Variants in SPAG17 observed in about 807,000 individuals in gnomAD.
SPAG17 encodes the protein sperm associated antigen 17, also known as sperm-associated antigen 17.
SPAG17 carries 169 observed loss-of-function variants against 273.6 expected under a neutral mutation model. The observed-to-expected ratio is 0.62, with a 90% CI of 0.55 to 0.70. SPAG17 has a LOEUF of 0.70. Ranked by LOEUF, SPAG17 falls within the 30% of genes least tolerant of loss-of-function variation. The pLI, the probability that SPAG17 is intolerant of heterozygous loss-of-function variation, is 0.00. For synonymous variants in SPAG17, 825 were observed against 873.2 expected, an observed-to-expected ratio of 0.94 and a Z score of 0.97; for missense variants, 2,557 against 2,627.8, an observed-to-expected ratio of 0.97 and a Z score of 0.59.
Position 117,953,982 on chromosome 1 carries a change from T to G in SPAG17, c.*68A>C. The G allele has an allele frequency of 6.3e-7, 1 of 1,591,008 alleles. No homozygotes were observed. Reference sequence around the variant, plus strand: ...GGATGATGGAGTATGTTGTGATGACTTCTTTCCTTTCTCATCCTCTGTAGG... The same window carrying G: ...GGATGATGGAGTATGTTGTGATGACGTCTTTCCTTTCTCATCCTCTGTAGG... On this transcript the variant is annotated 3_prime_UTR_variant, in exon 49 of 49. Transcript: ENST00000336338.
chr1:118,086,073 C>T lies in SPAG17; in HGVS notation c.1612-1G>A. On this transcript the variant is annotated splice_acceptor_variant, in intron 12 of 48. Transcript: ENST00000336338. LOFTEE classifies it high-confidence loss of function. ...GAACTGGATCAAAATTCTTTTGGTC[C>T]TGATGAAAAAGAGCAACATGACAGA... 6.2e-7 allele frequency: 1 copy of T among 1,612,616 alleles called. No homozygotes were observed. The highest frequency in any genetic ancestry group is 8.5e-7 in the Non-Finnish European group (1 of 1,179,600).
At chr1:117,981,156 C>G (rs1277357077) in intron 43 of SPAG17, 114 bp downstream of exon 43, 2 of 1,139,014 alleles carry the variant, frequency 1.8e-6, no homozygotes, top group Non-Finnish European at 2.4e-6. Context: ...GATCCGTGAC[C>G]CTCTCGATTT....
Position 117,963,814 on chromosome 1 carries a change from T to A in SPAG17, c.6657A>T (p.Lys2219Asn). Residue 2219 changes from lysine to asparagine, a missense_variant, in exon 48 of 49, where the codon AAA becomes AAT. Lys to Asn is a moderately conservative substitution (Grantham distance 94). Coordinates refer to ENST00000336338, the MANE Select transcript of SPAG17 (RefSeq NM_206996.4). ...CTTACTGTACCTAATGTGGAGAAAC[T>A]TTACGAGACATGAAGACTCCAAGTG... ...SSTLGVFMSR[K>N]VSPH 6.2e-7 allele frequency: 1 copy of A among 1,612,848 alleles called. No individual in the cohort carries two copies. The highest frequency in any genetic ancestry group is 8.5e-7 in the Non-Finnish European group (1 of 1,179,382).
intron 18 of SPAG17, among the ~76,000 whole-genome samples, chr1:118,057,744 T>C (rs908864240): frequency 1.3e-5 from 2 of 152,062 alleles, no homozygotes; most frequent in South Asian, 2.1e-4. Context: ...TTATTTGTGA[T>C]TAAAAACTAT....
chr1:118,074,251 C>T (rs988285019), intron 16 of SPAG17, among the ~76,000 whole-genome samples: 1 of 151,988 alleles, frequency 6.6e-6, no homozygotes, highest in Non-Finnish European at 1.5e-5. Flanking sequence ...TTCAAGACAA[C>T]GTTAGCTCTA....
intron 3 of SPAG17, among the ~76,000 whole-genome samples, chr1:118,140,731 G>T (rs1019112087): frequency 6.6e-6 from 1 of 152,072 alleles, no homozygotes; most frequent in Non-Finnish European, 1.5e-5. Context: ...ATGTTTGCCT[G>T]CCTTCATCCT....
chr1:118,045,195 A>T (rs1346404223), intron 20 of SPAG17, among the ~76,000 whole-genome samples: 1 of 152,202 alleles, frequency 6.6e-6, no homozygotes, highest in African/African-American at 2.4e-5. Context: ...CATAAGTGAT[A>T]GGAGCATCTT....
At chr1:117,957,619 T>C (rs895993495) in intron 48 of SPAG17, among the ~76,000 whole-genome samples, 2 of 152,152 alleles carry the variant, frequency 1.3e-5, no homozygotes, top group African/African-American at 4.8e-5. Context: ...GCAGGCCACA[T>C]GTGGCCCAGT....
intron 48 of SPAG17, chr1:117,959,437 C>T (rs372899746): frequency 2.5e-5 from 40 of 1,606,706 alleles, no homozygotes; most frequent in Admixed American, 6.8e-5. Context: ...TTGATTCTAA[C>T]GTTGACTTAG....
intron 1 of SPAG17, among the ~76,000 whole-genome samples, chr1:118,173,541 T>C (rs1040157650): frequency 3.3e-5 from 5 of 152,066 alleles, no homozygotes; most frequent in African/African-American, 1.2e-4. Context: ...GGCACACTCA[T>C]GGATGCCTGA....
chr1:118,061,338 T>C (rs1474788446), intron 18 of SPAG17, among the ~76,000 whole-genome samples: 3 of 152,232 alleles, frequency 2.0e-5, no homozygotes, highest in African/African-American at 4.8e-5. Context: ...ATGTGGTATA[T>C]ATGATAGAAT....
At position 117,994,406 on chromosome 1, in the gene SPAG17, C is replaced by T; in HGVS notation, c.5178G>A (p.Glu1726=). ...TGACTTTTTAGAAGAAATTATATAC[C>T]TCAACTGAGGGAAATGTTTCCCATG... ...SRSWETFPSV[E]KKTPGPPFGT... Residue 1726 remains glutamate (E), a splice_region_variant and synonymous_variant, in exon 35 of 49, where the codon GAG becomes GAA. Coordinates refer to ENST00000336338, the MANE Select transcript of SPAG17 (RefSeq NM_206996.4). The T allele has an allele frequency of 1.2e-6, 2 of 1,611,096 alleles. No homozygotes were observed. Among genetic ancestry groups the T allele is most frequent in the Non-Finnish European group, 1.7e-6 (2 of 1,178,418 alleles).
At chr1:118,098,269 T>C (rs938221190) in intron 6 of SPAG17, among the ~76,000 whole-genome samples, 11 of 152,182 alleles carry the variant, frequency 7.2e-5, no homozygotes, top group Non-Finnish European at 1.3e-4. Flanking sequence ...CTCCTTCTTA[T>C]ATTGCTGAAA....
chr1:118,138,757 G>A (rs1658499823), intron 3 of SPAG17, among the ~76,000 whole-genome samples: 1 of 151,974 alleles, frequency 6.6e-6, no homozygotes, highest in African/African-American at 2.4e-5. Flanking sequence ...AGTCTTTAAT[G>A]GTATTTTGTT....
chr1:118,089,333 G>A (rs1017264595), intron 10 of SPAG17, among the ~76,000 whole-genome samples: 1 of 38,946 alleles, frequency 2.6e-5, no homozygotes. Context: ...TGTAGATGAC[G>A]TGTGTGTGTG....
chr1:118,047,696 T>A (rs1650523841), intron 20 of SPAG17, among the ~76,000 whole-genome samples: 1 of 152,074 alleles, frequency 6.6e-6, no homozygotes, highest in South Asian at 2.1e-4. Flanking sequence ...CACTGCTGAC[T>A]CAGAACCCAG....
At chr1:118,062,793 C>T (rs138283734) in intron 18 of SPAG17, among the ~76,000 whole-genome samples, 53 of 152,220 alleles carry the variant, frequency 3.5e-4, no homozygotes, top group African/African-American at 1.2e-3. Flanking sequence ...AATTAGAGAA[C>T]ATTCCTTCCT....
chr1:118,007,902 A>G (rs748109359), intron 31 of SPAG17, 142 bp downstream of exon 31: 58 of 792,468 alleles, frequency 7.3e-5, no homozygotes, highest in Non-Finnish European at 1.1e-4. Flanking sequence ...TTTGAGAAGT[A>G]TATTCTAAGA....
intron 1 of SPAG17, among the ~76,000 whole-genome samples, chr1:118,183,179 T>C (rs1391438392): frequency 2.6e-5 from 4 of 152,060 alleles, no homozygotes; most frequent in African/African-American, 9.7e-5. Flanking sequence ...ACACACATAA[T>C]ACAACACATA....
Sources: allele counts gnomAD v4.1 joint callset (sites outside exome capture counted in the v4.1 genomes callset), GRCh38; gene constraint gnomAD v4.1.1; transcripts MANE v1.5; gene names NCBI Gene and HGNC (gene_info 2026-07-23, HGNC 2026-07-21).